The following PLEC variants were observed in gnomAD, a reference collection of about 807,000 sequenced individuals.
PLEC encodes the protein plectin, also known as hemidesmosomal protein 1.
In PLEC, 216 loss-of-function variants were observed where a neutral mutation model predicts 392.8. The ratio of observed to expected loss-of-function variants is 0.55; its 90% confidence interval spans 0.49 to 0.62. The LOEUF (loss-of-function observed/expected upper bound fraction) is 0.62, where lower values mean the gene tolerates loss of function less well. Ranked by LOEUF, PLEC falls within the 20% of genes least tolerant of loss-of-function variation. The pLI, the probability that PLEC is intolerant of heterozygous loss-of-function variation, is 0.00. For missense variants in PLEC, 6,863 were observed against 6,563.4 expected (o/e 1.05, Z -1.58); for synonymous variants, 3,621 against 2,980.6 (o/e 1.21, Z -7.00).
chr8:143,950,230 G>C lies in PLEC; in HGVS notation c.477C>G (p.Thr159=), dbSNP rs1373996782. 5.1e-6 allele frequency: 8 copies of C among 1,557,880 alleles called. No individual in the cohort carries two copies. In the African/African-American group the frequency reaches 1.1e-4, roughly 21 times the overall value. ...GGCCTGGCCTGGCCAGGGTCCGCTG[G>C]GTGGTAGCAGGCACCACAGGGGTCT... The change falls in exon 1 of 32, where the codon ACC becomes ACG. Residue 159 remains threonine, a synonymous_variant. Transcript: ENST00000322810.
chr8:143,942,665 G>A (rs1365640721), upstream of PLEC: 3 of 1,052,056 alleles, frequency 2.9e-6, no homozygotes, highest in African/African-American at 3.4e-5. Flanking sequence ...CACTGCGGGA[G>A]CGAGGCCCAG....
rs200658318 is a variant in PLEC, at chr8:143,923,311, G to T, written c.6618C>A (p.Asp2206Glu). 8 of 1,609,238 alleles carry T rather than the reference G, an allele frequency of 5.0e-6. No homozygotes were observed. The highest frequency in any genetic ancestry group is 3.3e-5 in the Admixed American group (2 of 59,856). ...CCGCCTTCAGCCGCTGCAGCTCCTC[G>T]TCCAGCAGGTTCTTCTGGTGGTCGG... Reference protein sequence around the residue: ...EETDHQKNLLDEELQRLKAEA... With the variant: ...EETDHQKNLLEEELQRLKAEA... The change falls in exon 31 of 32, where the codon GAC (aspartate) becomes GAA (glutamate). Residue 2206 changes from aspartate (D) to glutamate (E), a missense_variant. Physicochemically the swap from Asp to Glu is conservative, Grantham distance 45. Coordinates refer to ENST00000345136, the MANE Select transcript of PLEC (RefSeq NM_201384.3).
rs2857821 is a variant in PLEC at position 143,916,831 on chromosome 8, G to A, written c.12990C>T (p.Phe4330=). 13 of 1,612,862 alleles carry A rather than the reference G, an allele frequency of 8.1e-6. No homozygotes were observed. The highest frequency in any genetic ancestry group is 1.7e-5 in the Admixed American group (1 of 60,008). ...GIIDPSTGER[F]PVTDAVNKGL... The stretch of plus-strand genomic sequence containing the variant: ...CCTTGTTGACGGCGTCGGTGACAGG[G>A]AAGCGCTCACCGGTGCTGGGGTCGA... The change falls in exon 32 of 32, where the codon TTC becomes TTT. Residue 4330 remains phenylalanine (F), a synonymous_variant. Coordinates refer to ENST00000345136, the MANE Select transcript of PLEC (RefSeq NM_201384.3).
chr8:143,923,518 C>A lies in PLEC; in HGVS notation c.6411G>T (p.Lys2137Asn). The change falls in exon 31 of 32, where the codon AAG becomes AAT. Residue 2137 changes from lysine to asparagine, a missense_variant. By Grantham distance (94) the Lys-to-Asn change is moderately conservative (BLOSUM62 0). Transcript: ENST00000345136. ...ARAQAQAAAE[K>N]LRKEAEQEAA... is the part of the protein sequence containing the mutation. ...CCTCTTGCTCGGCCTCCTTGCGCAG[C>A]TTCTCTGCAGCCGCCTGTGCCTGAG... The A allele has an allele frequency of 3.8e-6, 6 of 1,596,218 alleles. No homozygotes were observed. The highest frequency in any genetic ancestry group is 4.3e-6 in the Non-Finnish European group (5 of 1,174,700).
At position 143,924,321 on chromosome 8, in the gene PLEC, C is replaced by T; in HGVS notation, c.5608G>A (p.Ala1870Thr). ...CGCCGCTGGAAGGCCTCGTCCTCCG[C>T]CAGCCGCCGCAGGCGCTCGTTCTCC... The part of the protein sequence containing the change: ...EAENERLRRL[A>T]EDEAFQRRRL... The change falls in exon 31 of 32, where the codon GCG becomes ACG. Residue 1870 changes from alanine to threonine, a missense_variant. Ala to Thr is a moderately conservative substitution (Grantham distance 58). Transcript: ENST00000345136. 1 of 1,595,620 alleles carries T rather than the reference C, an allele frequency of 6.3e-7. No homozygotes were observed. Among genetic ancestry groups the T allele is most frequent in the Non-Finnish European group, 8.5e-7 (1 of 1,178,244 alleles).
intron 12 of PLEC, 106 bp downstream of exon 12, chr8:143,933,892 G>A (rs1828139112): frequency 1.0e-6 from 1 of 976,990 alleles, no homozygotes; most frequent in African/African-American, 1.6e-5. Context: ...CCCTGCCCCT[G>A]CCCCAGGAGC....
chr8:143,932,809 C>G lies in PLEC; in HGVS notation c.1721G>C (p.Arg574Pro), dbSNP rs782426860. ...SIEEFRAKIE[R>P]ARSDEGQLSP... ...GCCACCCACCTCGTCACTCCGTGCCCGCTCGATCTTGGCCCGGAATTCTTC... is the reference window on the plus strand; with the variant it reads ...GCCACCCACCTCGTCACTCCGTGCCGGCTCGATCTTGGCCCGGAATTCTTC... Residue 574 changes from arginine (R) to proline (P), a missense_variant, in exon 14 of 32, where the codon CGG becomes CCG. Transcript: ENST00000345136. 6.2e-7 allele frequency: 1 copy of G among 1,612,424 alleles called. No individual in the cohort carries two copies.
intron 1 of PLEC, among the ~76,000 whole-genome samples, chr8:143,966,264 T>C (rs1796609936): frequency 6.6e-6 from 1 of 152,192 alleles, no homozygotes; most frequent in South Asian, 2.1e-4. Context: ...CCTCTTCTCA[T>C]AGGCACCTAA....
chr8:143,957,948 C>G (rs868972675), upstream of PLEC, among the ~76,000 whole-genome samples: 1 of 152,214 alleles, frequency 6.6e-6, no homozygotes, highest in Non-Finnish European at 1.5e-5. Flanking sequence ...GCAGATACCT[C>G]CACCTGGGGC....
chr8:143,929,669 T>C lies in PLEC; in HGVS notation c.2900A>G (p.Gln967Arg). 4 of 1,602,186 alleles carry C rather than the reference T, an allele frequency of 2.5e-6. No individual in the cohort carries two copies. Among genetic ancestry groups the C allele is most frequent in the South Asian group, 2.2e-5 (2 of 91,008 alleles). The stretch of plus-strand genomic sequence containing the variant: ...ACCCTGTTCCAGGCTCTGCAGCAGC[T>C]GCTGGTAGTGGTGGCTGCAGGAGCC... ...EYGSCSHHYQ[Q>R]LLQSLEQGAQ... The change falls in exon 23 of 32, where the codon CAG becomes CGG. Residue 967 changes from glutamine to arginine, a missense_variant. Gln to Arg is a conservative substitution (Grantham distance 43). Coordinates refer to ENST00000345136, the MANE Select transcript of PLEC (RefSeq NM_201384.3).
chr8:143,966,502 A>T (rs1346066097), intron 1 of PLEC, among the ~76,000 whole-genome samples: 1 of 152,002 alleles, frequency 6.6e-6, no homozygotes, highest in Non-Finnish European at 1.5e-5. Flanking sequence ...CTCTACCTCC[A>T]CAGCCACCAC....
At position 143,924,528 on chromosome 8, in the gene PLEC, C is replaced by T. The variant is rs782629559; in HGVS notation, c.5401G>A (p.Glu1801Lys). Residue 1801 changes from glutamate to lysine, a missense_variant, in exon 31 of 32, where the codon GAG becomes AAG. Physicochemically the swap from Glu to Lys is moderately conservative, Grantham distance 56. Transcript: ENST00000345136. ...AEAGRFRELAEEAARLRALAE... is the reference protein window; with the variant it reads ...AEAGRFRELAKEAARLRALAE... ...AGGGCACGCAGGCGGGCGGCCTCCTCGGCCAGCTCGCGGAACCGGCCGGCC... is the reference window on the plus strand; with the variant it reads ...AGGGCACGCAGGCGGGCGGCCTCCTTGGCCAGCTCGCGGAACCGGCCGGCC... 1.6e-5 allele frequency: 25 copies of T among 1,538,890 alleles called. No homozygotes were observed. The highest frequency in any genetic ancestry group is 9.4e-5 in the South Asian group (8 of 84,972).
rs536282543 is a variant in PLEC, at chr8:143,930,653, G to A, written c.2305-117C>T. ...CCCTCCTGATGCTCCCGGGGTGGCA[G>A]CACTTGGAAGCAGGAGGTATAGCTG... On this transcript the variant is annotated intron_variant, in intron 19 of 31. Transcript: ENST00000345136. 3.0e-5 allele frequency: 32 copies of A among 1,064,050 alleles called. No individual in the cohort carries two copies. The South Asian group carries it at 4.1e-4, about 14-fold the overall frequency. 65.9% of individuals were successfully genotyped at this position (1,064,050 alleles called of 1,614,324 possible). A position where few individuals can be genotyped will look rare whatever the true frequency, so the allele number is the denominator to read the frequency against.
rs559151753 is a variant in PLEC, at chr8:143,973,280, G to C, written c.70+123C>G. 3.9e-5 allele frequency: 48 copies of C among 1,227,334 alleles called. No individual in the cohort carries two copies. In the South Asian group the frequency reaches 5.7e-4, roughly 14 times the overall value. The allele number at this position is 1,227,334 out of a possible 1,614,324, so 76.0% of individuals were successfully genotyped here. On this transcript the variant is annotated intron_variant, in intron 1 of 31. Coordinates refer to the PLEC transcript ENST00000356346. The surrounding 1 kb of genome is among the most constrained non-coding windows in gnomAD (Gnocchi z 5.6). ...GGCAGCCGTTGGGGGCGATCCAGGC[G>C]GACGAGGCCGGCGGAGTGGCCGCGC...
Position 143,929,429 on chromosome 8 carries a change from G to A in PLEC, c.3066C>T (p.Arg1022=). The A allele has an allele frequency of 6.4e-7, 1 of 1,571,430 alleles. No homozygotes were observed. The change falls in exon 24 of 32, where the codon CGC becomes CGT. Residue 1022 remains arginine (R), a synonymous_variant. Transcript: ENST00000345136. The part of the protein sequence containing the change: ...DKEPARECAQ[R]IAEQQKAQAE... ...CGGCCCCTGCCTGCTGCTCGGCGATGCGCTGGGCACACTCCCGTGCCGGCT... is the reference window on the plus strand; with the variant it reads ...CGGCCCCTGCCTGCTGCTCGGCGATACGCTGGGCACACTCCCGTGCCGGCT...
In PLEC at chr8:143,923,148, T is replaced by C. The variant is rs782141468; in HGVS notation, c.6781A>G (p.Asn2261Asp). ...TCCTCCTGCAGGAAGCGCTGCGTAT[T>C]GTCCTTGTCACGCAAGATGAGTGCG... ...NRALILRDKD[N>D]TQRFLQEEAE... Residue 2261 changes from asparagine (N) to aspartate (D), a missense_variant, in exon 31 of 32, where the codon AAT (asparagine) becomes GAT (aspartate). By Grantham distance (23) the Asn-to-Asp change is conservative. Coordinates refer to ENST00000345136, the MANE Select transcript of PLEC (RefSeq NM_201384.3). The C allele has an allele frequency of 1.9e-6, 3 of 1,602,860 alleles. No individual in the cohort carries two copies. The highest frequency in any genetic ancestry group is 2.5e-6 in the Non-Finnish European group (3 of 1,179,864).
chr8:143,919,301 T>C lies in PLEC; in HGVS notation c.10520A>G (p.Asp3507Gly). The C allele has an allele frequency of 6.2e-7, 1 of 1,613,936 alleles. No homozygotes were observed. Among genetic ancestry groups the C allele is most frequent in the Non-Finnish European group, 8.5e-7 (1 of 1,180,020 alleles). The change falls in exon 32 of 32, where the codon GAC (aspartate) becomes GGC (glycine). Residue 3507 changes from aspartate to glycine, a missense_variant. Physicochemically the swap from Asp to Gly is moderately conservative, Grantham distance 94. Coordinates refer to ENST00000345136, the MANE Select transcript of PLEC (RefSeq NM_201384.3). ...EMNRVLADPS[D>G]DTKGFFDPNT... ...GGGGTCAAAGAAGCCCTTGGTGTCG[T>C]CGCTGGGGTCCGCCAGGACGCGGTT... is the stretch of plus-strand genomic sequence containing the variant.
chr8:143,962,141 G>A (rs1832897673), intron 1 of PLEC, among the ~76,000 whole-genome samples: 1 of 152,198 alleles, frequency 6.6e-6, no homozygotes, highest in Non-Finnish European at 1.5e-5. Context: ...TGTAAACAGG[G>A]TCTCTGCAGA....
At chr8:143,975,043 G>T, upstream of PLEC, 1 of 1,008,218 alleles carries the variant, frequency 9.9e-7, no homozygotes, top group Non-Finnish European at 1.5e-6. The surrounding 1 kb of genome is among the most constrained non-coding windows in gnomAD (Gnocchi z 9.9). Context: ...CCTGGGACGC[G>T]CGAGGCCCTC....
Sources: gnomAD v4.1 joint callset for allele counts (sites outside exome capture counted in the v4.1 genomes callset) on GRCh38, gnomAD v4.1.1 for gene constraint, Gnocchi (gnomAD v3.1) non-coding constraint, MANE v1.5 for transcripts, NCBI Gene and HGNC (gene_info 2026-07-23, HGNC 2026-07-21) for gene names.